IPMK: variants seen among roughly 807,000 people sequenced by gnomAD.
IPMK encodes the protein inositol polyphosphate multikinase, also known as inositol 1,3,4,6-tetrakisphosphate 5-kinase.
Under a neutral mutation model 45.8 loss-of-function variants are expected in IPMK, and 17 were observed. The observed-to-expected ratio is 0.37, with a 90% CI of 0.25 to 0.56. The LOEUF is 0.56. IPMK is among the 20% of genes least tolerant of loss of function. The pLI is 0.79. For synonymous variants in IPMK, 180 were observed against 184.3 expected (o/e 0.98, Z 0.19); for missense variants, 399 against 498.0 (o/e 0.80, Z 1.89).
chr10:58,261,991 G>A (rs1280777351), intron 1 of IPMK, among the ~76,000 whole-genome samples: 3 of 152,208 alleles, frequency 2.0e-5, no homozygotes, highest in Admixed American at 2.0e-4. Flanking sequence ...ACTATCGCAA[G>A]GACAGAAAAC....
At chr10:58,209,121 G>C (rs548666706) in intron 4 of IPMK, among the ~76,000 whole-genome samples, 2 of 152,274 alleles carry the variant, frequency 1.3e-5, no homozygotes, top group South Asian at 2.1e-4. Context: ...TCTTGTGCAG[G>C]CCTGAATCTG....
chr10:58,262,083 G>A (rs1187849874), intron 1 of IPMK, among the ~76,000 whole-genome samples: 11 of 152,126 alleles, frequency 7.2e-5, no homozygotes, highest in Non-Finnish European at 1.5e-5. Context: ...TCACACACCG[G>A]GGCCTGTCGT....
intron 3 of IPMK, among the ~76,000 whole-genome samples, chr10:58,225,702 C>A (rs1328373837): frequency 6.6e-6 from 1 of 152,090 alleles, no homozygotes; most frequent in African/African-American, 2.4e-5. Flanking sequence ...CGTCACTTTA[C>A]TGAGGAATAA....
intron 4 of IPMK, among the ~76,000 whole-genome samples, chr10:58,208,712 G>C (rs927293801): frequency 1.3e-5 from 2 of 152,150 alleles, no homozygotes; most frequent in African/African-American, 4.8e-5. Flanking sequence ...AGTTGGAATG[G>C]CAGGGATCTC....
chr10:58,266,947 C>T (rs566343253), intron 1 of IPMK, among the ~76,000 whole-genome samples: 3 of 152,216 alleles, frequency 2.0e-5, no homozygotes, highest in African/African-American at 7.2e-5. Context: ...CTAAAAAAGC[C>T]CAGTGTTTTT....
At chr10:58,222,633 C>A (rs1421303907) in intron 3 of IPMK, among the ~76,000 whole-genome samples, 1 of 152,142 alleles carries the variant, frequency 6.6e-6, no homozygotes, top group Non-Finnish European at 1.5e-5. Flanking sequence ...AATAAAGCTA[C>A]ATTTAAGAGG....
At chr10:58,257,621 A>G (rs1408895069) in intron 1 of IPMK, among the ~76,000 whole-genome samples, 1 of 152,224 alleles carries the variant, frequency 6.6e-6, no homozygotes, top group Non-Finnish European at 1.5e-5. Flanking sequence ...AAGAAACATA[A>G]AAACGTACAG....
At chr10:58,208,214 A>T (rs1838101610) in intron 4 of IPMK, among the ~76,000 whole-genome samples, 1 of 152,112 alleles carries the variant, frequency 6.6e-6, no homozygotes, top group Non-Finnish European at 1.5e-5. Flanking sequence ...TGCTGGGATT[A>T]CAGGTGTGAG....
intron 1 of IPMK, among the ~76,000 whole-genome samples, chr10:58,251,157 T>G (rs1046963448): frequency 4.6e-5 from 7 of 152,220 alleles, no homozygotes; most frequent in Non-Finnish European, 1.0e-4. Context: ...CTCAAAGAAC[T>G]GCTTTTCTTG....
At chr10:58,200,425 AT>A (rs999779178) in intron 4 of IPMK, among the ~76,000 whole-genome samples, 3 of 151,846 alleles carry the variant, frequency 2.0e-5, no homozygotes, top group Non-Finnish European at 4.4e-5. Flanking sequence ...GGCCTCAATA[AT>A]TTTTTTTAAC....
intron 2 of IPMK, among the ~76,000 whole-genome samples, chr10:58,228,204 T>C (rs1429622549): frequency 6.6e-6 from 1 of 152,138 alleles, no homozygotes; most frequent in Non-Finnish European, 1.5e-5. Flanking sequence ...ATGAGCTAAT[T>C]ACAAGACGGA....
chr10:58,255,660 T>C (rs1838956742), intron 1 of IPMK, among the ~76,000 whole-genome samples: 1 of 152,160 alleles, frequency 6.6e-6, no homozygotes, highest in South Asian at 2.1e-4. Context: ...TTTTTTTTCT[T>C]TTTTGTAAAT....
chr10:58,215,959 A>G (rs1467048765), intron 4 of IPMK, among the ~76,000 whole-genome samples, 186 bp downstream of exon 4: 1 of 151,952 alleles, frequency 6.6e-6, no homozygotes, highest in South Asian at 2.1e-4. Context: ...AACTGACCAT[A>G]TATCAGTGAA....
intron 3 of IPMK, among the ~76,000 whole-genome samples, chr10:58,220,642 T>A (rs1399982956): frequency 7.8e-6 from 1 of 128,680 alleles, no homozygotes. Flanking sequence ...TCAGTCCTCA[T>A]CCCATAAATG....
intron 1 of IPMK, among the ~76,000 whole-genome samples, chr10:58,244,680 C>T (rs149192466): frequency 0.15 from 22,728 of 152,042 alleles, 2,322 homozygotes; most frequent in African/African-American, 0.29. Flanking sequence ...TAGGAGACTC[C>T]ATTTTGTTCT....
At chr10:58,211,919 A>AAAAAAAAAAAAAAAAT (rs967150743) in intron 4 of IPMK, among the ~76,000 whole-genome samples, 2 of 148,184 alleles carry the variant, frequency 1.3e-5, no homozygotes, top group African/African-American at 5.2e-5. Flanking sequence ...AAAAAAAAAA[A>AAAAAAAAAAAAAAAAT]AAAAAATTTG....
At position 58,196,300 on chromosome 10, in the gene IPMK, C is replaced by T. The variant is rs1564526112; in HGVS notation, c.1027G>A (p.Asp343Asn). ...TGTGACATGCTTTTCCACCCATTGT[C>T]TTGCTCCAGATTTTCAACTTTCAAT... is the stretch of plus-strand genomic sequence containing the variant. ...TSLKVENLEQ[D>N]NGWKSMSQEH... The change falls in exon 6 of 6, where the codon GAC (aspartate) becomes AAC (asparagine). Residue 343 changes from aspartate (D) to asparagine (N), a missense_variant. By Grantham distance (23) the Asp-to-Asn change is conservative. Coordinates refer to ENST00000373935, the MANE Select transcript of IPMK (RefSeq NM_152230.5). 1.2e-6 allele frequency: 2 copies of T among 1,614,000 alleles called. No homozygotes were observed. The highest frequency in any genetic ancestry group is 1.7e-6 in the Non-Finnish European group (2 of 1,180,016).
intron 2 of IPMK, among the ~76,000 whole-genome samples, chr10:58,235,156 G>A (rs1393909937): frequency 6.6e-6 from 1 of 152,130 alleles, no homozygotes; most frequent in Non-Finnish European, 1.5e-5. Flanking sequence ...TCATTAAAAA[G>A]TCAGGAAACA....
At chr10:58,221,162 T>C (rs1040582051) in intron 3 of IPMK, among the ~76,000 whole-genome samples, 2 of 152,316 alleles carry the variant, frequency 1.3e-5, no homozygotes, top group East Asian at 1.9e-4. Context: ...TTATTACATA[T>C]TGATTTCACC....
Sources: allele counts gnomAD v4.1 joint callset (sites outside exome capture counted in the v4.1 genomes callset), GRCh38; gene constraint gnomAD v4.1.1; transcripts MANE v1.5; gene names NCBI Gene and HGNC (gene_info 2026-07-23, HGNC 2026-07-21).